The following SLC35F2 variants were observed in gnomAD, a reference collection of about 807,000 sequenced individuals.
SLC35F2 encodes the protein solute carrier family 35 member F2, also known as queuine/queuosine transporter SLC35F2.
SLC35F2 carries 25 observed loss-of-function variants against 38.1 expected under a neutral mutation model. The ratio of observed to expected loss-of-function variants is 0.66; its 90% CI spans 0.48 to 0.92. The LOEUF is 0.92. Among genes scored for constraint, SLC35F2 ranks in the 40% least tolerant of loss-of-function variants. The pLI is 0.00. For missense variants in SLC35F2, 409 were observed against 452.9 expected, an observed-to-expected ratio of 0.90 and a Z score of 0.88; for synonymous variants, 173 against 181.7, an observed-to-expected ratio of 0.95 and a Z score of 0.38.
At chr11:107,840,364 C>T (rs374706749) in intron 1 of SLC35F2, among the ~76,000 whole-genome samples, 1 of 152,288 alleles carries the variant, frequency 6.6e-6, no homozygotes, top group East Asian at 1.9e-4. Flanking sequence ...GGACTGAGCA[C>T]AAACAAACCC....
At chr11:107,843,593 C>T (rs1477313453) in intron 1 of SLC35F2, among the ~76,000 whole-genome samples, 2 of 145,254 alleles carry the variant, frequency 1.4e-5, no homozygotes, top group African/African-American at 5.1e-5. Context: ...GAGTGGCTCA[C>T]GCCTATAATC....
chr11:107,806,270 A>T (rs1037487511), intron 4 of SLC35F2, among the ~76,000 whole-genome samples: 2 of 152,232 alleles, frequency 1.3e-5, no homozygotes, highest in Non-Finnish European at 2.9e-5. Flanking sequence ...GGGTAGGTCA[A>T]TTTGAAAAAT....
intron 1 of SLC35F2, among the ~76,000 whole-genome samples, chr11:107,830,797 A>T (rs483874): frequency 0.59 from 89,110 of 151,764 alleles, 28,425 homozygotes; most frequent in African/African-American, 0.87. Flanking sequence ...TCAGAAGTTC[A>T]GGTGTCTGAT....
Position 107,830,583 on chromosome 11 carries a change from C to CAAAA in SLC35F2, c.111-14622_111-14619dup, listed in dbSNP as rs66495434. Among the ~76,000 whole-genome samples, 566 of 95,698 alleles carry CAAAA rather than the reference C, an allele frequency of 5.9e-3. 4 individuals are homozygous for CAAAA. The highest frequency in any genetic ancestry group is 0.02 in the African/African-American group (537 of 26,380). 62.8% of individuals were successfully genotyped at this position (95,698 alleles called of 152,430 possible). A position where few individuals can be genotyped will look rare whatever the true frequency, so the allele number is the denominator to read the frequency against. ...TGGGAGACAGAGCAAGACTCAGTCTCAAAAAAAAAAAAAAAAGAAAAGAAA... is the reference window on the plus strand; with the variant it reads ...TGGGAGACAGAGCAAGACTCAGTCTCAAAAAAAAAAAAAAAAAAAAGAAAAGAAA... On this transcript the variant is annotated intron_variant, in intron 1 of 7. Transcript: ENST00000525815.
chr11:107,817,103 G>A (rs892219368), intron 1 of SLC35F2, among the ~76,000 whole-genome samples: 5 of 151,772 alleles, frequency 3.3e-5, no homozygotes, highest in South Asian at 2.1e-4. Context: ...TGGTGAAACC[G>A]CGTCTCTACT....
intron 1 of SLC35F2, among the ~76,000 whole-genome samples, chr11:107,856,855 GA>G (rs1428095248): frequency 8.0e-6 from 1 of 124,274 alleles, no homozygotes; most frequent in African/African-American, 3.1e-5. Context: ...ACTTGTCCAG[GA>G]AGGAAGGAAG....
At chr11:107,855,931 G>A (rs1259671063) in intron 1 of SLC35F2, among the ~76,000 whole-genome samples, 1 of 151,572 alleles carries the variant, frequency 6.6e-6, no homozygotes, top group Non-Finnish European at 1.5e-5. Context: ...TGGCCAACAT[G>A]GTGAAATCCT....
At chr11:107,848,507 A>T (rs2134856856) in intron 1 of SLC35F2, among the ~76,000 whole-genome samples, 1 of 152,294 alleles carries the variant, frequency 6.6e-6, no homozygotes, top group African/African-American at 2.4e-5. Context: ...GTCTACATAA[A>T]TGGGATTAGT....
At chr11:107,818,321 G>A (rs1859616693) in intron 1 of SLC35F2, among the ~76,000 whole-genome samples, 1 of 151,820 alleles carries the variant, frequency 6.6e-6, no homozygotes, top group Non-Finnish European at 1.5e-5. Flanking sequence ...ATCCCAGCTA[G>A]TGGGGAGGCT....
At chr11:107,799,119 G>A (rs1443333087) in intron 7 of SLC35F2, among the ~76,000 whole-genome samples, 1 of 152,106 alleles carries the variant, frequency 6.6e-6, no homozygotes. Flanking sequence ...TCTTCATTAT[G>A]CTCTGAGTTT....
intron 1 of SLC35F2, among the ~76,000 whole-genome samples, chr11:107,832,229 A>T (rs1371732975): frequency 6.6e-6 from 1 of 152,206 alleles, no homozygotes. Context: ...GTTGTAACTC[A>T]GGATATTTCC....
At chr11:107,812,093 T>TGG (rs34293849) in intron 2 of SLC35F2, among the ~76,000 whole-genome samples, 2 of 151,874 alleles carry the variant, frequency 1.3e-5, no homozygotes, top group East Asian at 1.9e-4. Flanking sequence ...TTAGCAGAGA[T>TGG]GGGGGTCTCA....
At chr11:107,827,790 A>G (rs973770951) in intron 1 of SLC35F2, among the ~76,000 whole-genome samples, 2 of 151,540 alleles carry the variant, frequency 1.3e-5, no homozygotes, top group Admixed American at 1.3e-4. Context: ...GAGCACCCAT[A>G]ATCCCAACTA....
intron 1 of SLC35F2, among the ~76,000 whole-genome samples, chr11:107,846,263 A>T (rs1305105525): frequency 6.6e-6 from 1 of 152,182 alleles, no homozygotes; most frequent in Non-Finnish European, 1.5e-5. Flanking sequence ...GGCTGAAAAA[A>T]ATCAGACAAA....
At chr11:107,826,389 C>A (rs186851665) in intron 1 of SLC35F2, among the ~76,000 whole-genome samples, 1 of 151,908 alleles carries the variant, frequency 6.6e-6, no homozygotes, top group South Asian at 2.1e-4. Context: ...GGATTACAGG[C>A]ATGTGCCACC....
chr11:107,857,504 G>A (rs1860312695), intron 1 of SLC35F2, among the ~76,000 whole-genome samples: 1 of 152,180 alleles, frequency 6.6e-6, no homozygotes, highest in Admixed American at 6.5e-5. Context: ...TTTAACAAAT[G>A]TATCAGGACA....
intron 1 of SLC35F2, among the ~76,000 whole-genome samples, chr11:107,844,090 GGCCTAGGGATAGACT>G (rs1860064027): frequency 6.6e-6 from 1 of 151,666 alleles, no homozygotes; most frequent in African/African-American, 2.4e-5. Context: ...ATCCAGAACA[GGCCTAGGGATAGACT>G]GCCCAAGGTC....
chr11:107,826,101 A>T lies in SLC35F2; in HGVS notation c.111-10136T>A, dbSNP rs941370509. ...TCTAACAATGGGAGACTAGCTGAATAAACACACAGGAGTACTACTGTACAG... is the reference window on the plus strand; with the variant it reads ...TCTAACAATGGGAGACTAGCTGAATTAACACACAGGAGTACTACTGTACAG... On this transcript the variant is annotated intron_variant, in intron 1 of 7. Transcript: ENST00000525815. Among the ~76,000 whole-genome samples, 3 of 152,214 alleles carry T rather than the reference A, an allele frequency of 2.0e-5. 1 individual carries two copies. Among genetic ancestry groups the T allele is most frequent in the South Asian group, 4.1e-4 (2 of 4,834 alleles).
chr11:107,846,503 G>A (rs1860106693), intron 1 of SLC35F2, among the ~76,000 whole-genome samples: 1 of 151,998 alleles, frequency 6.6e-6, no homozygotes, highest in African/African-American at 2.4e-5. Flanking sequence ...GTAACTAAAT[G>A]GCTTGGCCTA....
Sources: gnomAD v4.1 joint callset for allele counts (sites outside exome capture counted in the v4.1 genomes callset) on GRCh38, gnomAD v4.1.1 for gene constraint, MANE v1.5 for transcripts, NCBI Gene and HGNC (gene_info 2026-07-23, HGNC 2026-07-21) for gene names.